SV2C: variants seen among roughly 807,000 people sequenced by gnomAD.
The protein encoded by SV2C is synaptic vesicle glycoprotein 2C, also known as solute carrier family 22 member B3.
In SV2C, 49 loss-of-function variants were observed where a neutral mutation model predicts 79.7. The ratio of observed to expected loss-of-function variants is 0.61; its 90% CI spans 0.49 to 0.78. The LOEUF (loss-of-function observed/expected upper bound fraction) is 0.78. Among genes scored for constraint, SV2C ranks in the 30% least tolerant of loss-of-function variants. The pLI, the probability that SV2C is intolerant of heterozygous loss-of-function variation, is 0.00. For missense variants in SV2C, 833 were observed against 912.9 expected, an observed-to-expected ratio of 0.91 and a Z score of 1.13; for synonymous variants, 334 against 333.2, an observed-to-expected ratio of 1.00 and a Z score of -0.03.
chr5:75,930,119 T>A, the SV2C span, among the ~76,000 whole-genome samples: 1 of 152,308 alleles, frequency 6.6e-6, no homozygotes, highest in East Asian at 1.9e-4. Context: ...TCCCTACTAT[T>A]TTTCCCCTCC....
the SV2C span, among the ~76,000 whole-genome samples, chr5:75,876,522 A>G: frequency 1.3e-5 from 2 of 151,122 alleles, no homozygotes; most frequent in African/African-American, 4.9e-5. Flanking sequence ...TTCCTGTGAC[A>G]TGTGTTTACC....
chr5:76,092,560 G>A (rs1047445743), intron 1 of SV2C, among the ~76,000 whole-genome samples: 3 of 152,118 alleles, frequency 2.0e-5, no homozygotes, highest in Admixed American at 2.0e-4. Context: ...TAGAGCTGAG[G>A]ATCGACCCCC....
intron 2 of SV2C, among the ~76,000 whole-genome samples, chr5:76,185,621 A>G (rs1368569027): frequency 6.6e-6 from 1 of 152,258 alleles, no homozygotes; most frequent in Non-Finnish European, 1.5e-5. Flanking sequence ...AGCCTGAGCT[A>G]TAATCTGGAC....
chr5:75,947,981 T>C, the SV2C span, among the ~76,000 whole-genome samples: 1 of 152,012 alleles, frequency 6.6e-6, no homozygotes, highest in Non-Finnish European at 1.5e-5. Context: ...GGCAGATCTA[T>C]ATAATGGCCA....
the SV2C span, chr5:75,910,926 G>A: frequency 5.4e-6 from 5 of 927,104 alleles, no homozygotes; most frequent in Non-Finnish European, 8.9e-6. Context: ...GTGGTGAAGG[G>A]ACTATCAAGC....
chr5:76,273,240 T>C (rs1370637247), intron 4 of SV2C, among the ~76,000 whole-genome samples: 3 of 151,230 alleles, frequency 2.0e-5, no homozygotes, highest in Non-Finnish European at 4.4e-5. Context: ...ACTATATTAT[T>C]ATCTATATAC....
At chr5:76,067,273 T>A in the SV2C span, among the ~76,000 whole-genome samples, 1 of 152,048 alleles carries the variant, frequency 6.6e-6, no homozygotes, top group Non-Finnish European at 1.5e-5. Flanking sequence ...ATAATTTGTG[T>A]TTTGTGTGGT....
chr5:76,316,327 AC>A (rs983534873), intron 12 of SV2C, among the ~76,000 whole-genome samples: 5 of 152,326 alleles, frequency 3.3e-5, no homozygotes, highest in African/African-American at 7.2e-5. Context: ...AGGATTCTCA[AC>A]CCTGGATACA....
intron 4 of SV2C, among the ~76,000 whole-genome samples, chr5:76,274,684 C>CTTTTTTTT (rs11415755): frequency 2.1e-5 from 3 of 139,620 alleles, no homozygotes; most frequent in Non-Finnish European, 3.0e-5. Flanking sequence ...TTTTCTCCTT[C>CTTTTTTTT]TTTTTTTTTT....
chr5:76,222,501 C>G (rs1745096405), intron 4 of SV2C, among the ~76,000 whole-genome samples: 1 of 152,114 alleles, frequency 6.6e-6, no homozygotes, highest in Admixed American at 6.5e-5. Context: ...TCTGGGAGAA[C>G]TTTGCGTTGA....
chr5:75,946,430 A>C, the SV2C span, among the ~76,000 whole-genome samples: 4 of 152,112 alleles, frequency 2.6e-5, no homozygotes, highest in Non-Finnish European at 4.4e-5. Flanking sequence ...ATGGGTTTAC[A>C]TGACTATCTG....
At chr5:75,950,611 T>C in the SV2C span, among the ~76,000 whole-genome samples, 1 of 152,030 alleles carries the variant, frequency 6.6e-6, no homozygotes, top group South Asian at 2.1e-4. Context: ...ACATATTGCT[T>C]TGAGAATCCT....
chr5:76,265,719 C>T (rs951855822), intron 4 of SV2C, among the ~76,000 whole-genome samples: 1 of 151,952 alleles, frequency 6.6e-6, no homozygotes, highest in African/African-American at 2.4e-5. Context: ...GAAAGGGAGG[C>T]CCCCCTCCAC....
the SV2C span, among the ~76,000 whole-genome samples, chr5:76,015,908 G>C: frequency 1.3e-5 from 2 of 151,936 alleles, no homozygotes; most frequent in South Asian, 4.1e-4. Flanking sequence ...TTTGAAGGTT[G>C]TTTTATCTTT....
At chr5:76,300,190 A>ATTATTATTATTT (rs1328012752) in intron 10 of SV2C, among the ~76,000 whole-genome samples, 2 of 131,700 alleles carry the variant, frequency 1.5e-5, no homozygotes, top group African/African-American at 5.6e-5. Context: ...TATTATTATT[A>ATTATTATTATTT]TTTTTGTAGA....
the SV2C span, among the ~76,000 whole-genome samples, chr5:76,041,194 A>G: frequency 6.6e-6 from 1 of 152,208 alleles, no homozygotes; most frequent in East Asian, 1.9e-4. Context: ...AAATCAAGCT[A>G]ACCAACGATA....
the SV2C span, among the ~76,000 whole-genome samples, chr5:75,966,479 A>T: frequency 1.3e-5 from 2 of 152,234 alleles, no homozygotes; most frequent in Non-Finnish European, 2.9e-5. Flanking sequence ...CACCAAAGGC[A>T]ACCTTTAGTT....
chr5:75,894,366 A>G, the SV2C span, among the ~76,000 whole-genome samples: 11 of 152,138 alleles, frequency 7.2e-5, no homozygotes, highest in Admixed American at 6.6e-5. Context: ...AAATATTTAT[A>G]AAATCATGGA....
intron 6 of SV2C, among the ~76,000 whole-genome samples, chr5:76,290,494 A>AT (rs1427591957): frequency 2.0e-5 from 3 of 152,078 alleles, no homozygotes; most frequent in Non-Finnish European, 2.9e-5. Flanking sequence ...CCCATTCTTC[A>AT]TTTTTTTCTA....
Sources: gnomAD v4.1 joint callset for allele counts (sites outside exome capture counted in the v4.1 genomes callset) on GRCh38, gnomAD v4.1.1 for gene constraint, MANE v1.5 for transcripts, NCBI Gene and HGNC (gene_info 2026-07-23, HGNC 2026-07-21) for gene names.